The following ZFHX3 variants were observed in gnomAD, a reference collection of about 807,000 sequenced individuals.
ZFHX3 encodes the protein zinc finger homeobox 3, also known as zinc finger homeobox protein 3.
A neutral mutation model predicts 279.1 loss-of-function variants in ZFHX3; 42 were observed. The ratio of observed to expected loss-of-function variants is 0.15; its 90% CI spans 0.12 to 0.19. The LOEUF is 0.19. Ranked by LOEUF, ZFHX3 falls within the 10% of genes least tolerant of loss-of-function variation. The pLI is 1.00. For missense variants in ZFHX3, 4,981 were observed against 4,754.0 expected (o/e 1.05, Z -1.40); for synonymous variants, 2,293 against 1,957.8 (o/e 1.17, Z -4.52).
chr16:73,124,554 T>C (rs115180270), intron 7 of ZFHX3, among the ~76,000 whole-genome samples: 1 of 152,188 alleles, frequency 6.6e-6, no homozygotes, highest in Non-Finnish European at 1.5e-5. Context: ...TTAGATATAA[T>C]CCTGGACACG....
intron 1 of ZFHX3, among the ~76,000 whole-genome samples, chr16:73,054,746 T>C (rs975996393): frequency 6.6e-6 from 1 of 152,102 alleles, no homozygotes; most frequent in African/African-American, 2.4e-5. Context: ...TCAGTTTACA[T>C]TGGTGTAATT....
intron 1 of ZFHX3, among the ~76,000 whole-genome samples, chr16:73,055,664 C>G (rs1048282068): frequency 1.3e-5 from 2 of 150,124 alleles, no homozygotes; most frequent in African/African-American, 4.9e-5. Context: ...AAGACACCCA[C>G]ACGGTGCAGA....
intron 1 of ZFHX3, among the ~76,000 whole-genome samples, chr16:73,876,851 TCA>T (rs954812778): frequency 6.6e-6 from 1 of 152,114 alleles, no homozygotes; most frequent in African/African-American, 2.4e-5. Context: ...TCCACCACCT[TCA>T]CACACAGACA....
chr16:73,026,693 A>AAAAAC (rs201116956), intron 1 of ZFHX3, among the ~76,000 whole-genome samples: 74 of 144,716 alleles, frequency 5.1e-4, no homozygotes, highest in African/African-American at 8.4e-4. Context: ...AAAAAAAAAA[A>AAAAAC]AACACATAGT....
chr16:73,439,691 C>T lies in ZFHX3; in HGVS notation c.-1291+16312G>A, dbSNP rs971003768. Among the ~76,000 whole-genome samples the T allele has an allele frequency of 3.9e-5, 6 of 152,106 alleles. No homozygotes were observed. The East Asian group carries it at 1.2e-3, about 29-fold the overall frequency. The stretch of plus-strand genomic sequence containing the variant: ...GCTGTTAGTCCACGTGGTCATCCCT[C>T]CTTCCCCCCTTTCAAGATGTTTTGC... On this transcript the variant is annotated intron_variant, in intron 3 of 17. Coordinates refer to the ZFHX3 transcript ENST00000641206.
intron 2 of ZFHX3, among the ~76,000 whole-genome samples, chr16:73,556,107 A>G (rs1197845351): frequency 6.6e-6 from 1 of 152,196 alleles, no homozygotes; most frequent in African/African-American, 2.4e-5. Flanking sequence ...GGTTTACAAG[A>G]TCTTGTTTCC....
At chr16:72,981,596 T>C (rs1422577856) in intron 1 of ZFHX3, among the ~76,000 whole-genome samples, 1 of 152,180 alleles carries the variant, frequency 6.6e-6, no homozygotes, top group African/African-American at 2.4e-5. Flanking sequence ...ACTGAACTGC[T>C]CCCAATTGGG....
chr16:72,916,067 G>A lies in ZFHX3; in HGVS notation c.3217-26105C>T, dbSNP rs568805469. Among the ~76,000 whole-genome samples, 56 of 152,268 alleles carry A rather than the reference G, an allele frequency of 3.7e-4. 1 individual carries two copies. In the South Asian group the frequency reaches 9.1e-3, roughly 25 times the overall value. On this transcript the variant is annotated intron_variant, in intron 3 of 9. Transcript: ENST00000268489. ...GAAATGACGGACTGGAATAGTATAC[G>A]TGGCAAAAATCTAAAATAATTAAGA...
intron 1 of ZFHX3, among the ~76,000 whole-genome samples, chr16:73,026,745 A>C (rs1964526227): frequency 6.6e-6 from 1 of 151,902 alleles, no homozygotes; most frequent in South Asian, 2.1e-4. Flanking sequence ...TGCAAATGCA[A>C]GCTATGTTTC....
chr16:73,350,436 A>G (rs1597296346), intron 3 of ZFHX3, among the ~76,000 whole-genome samples: 1 of 152,202 alleles, frequency 6.6e-6, no homozygotes, highest in Non-Finnish European at 1.5e-5. Flanking sequence ...GGTTCATTTT[A>G]TGTGTCATTA....
At chr16:72,964,816 T>A (rs1313244177) in intron 1 of ZFHX3, among the ~76,000 whole-genome samples, 1 of 152,084 alleles carries the variant, frequency 6.6e-6, no homozygotes, top group Non-Finnish European at 1.5e-5. Context: ...TTATCCCCAT[T>A]TTAGAAATGG....
chr16:73,663,495 G>C (rs1048049055), intron 2 of ZFHX3, among the ~76,000 whole-genome samples: 4 of 152,186 alleles, frequency 2.6e-5, no homozygotes, highest in Admixed American at 6.6e-5. Flanking sequence ...ACAACTTCCT[G>C]TATGATCCAA....
rs368910699 is a variant in ZFHX3 at position 73,890,562 on chromosome 16, T to C, written c.-1608+1089A>G. ...GATTCGGTTTTTTAATTTTTTGTCA[T>C]AATAAAAATATTTTTAATCTGGTCC... On this transcript the variant is annotated intron_variant, in intron 1 of 17. Transcript: ENST00000641206. Among the ~76,000 whole-genome samples, 6 of 152,334 alleles carry C rather than the reference T, an allele frequency of 3.9e-5. No individual in the cohort carries two copies. In the South Asian group the frequency reaches 1.2e-3, roughly 32 times the overall value.
intron 2 of ZFHX3, among the ~76,000 whole-genome samples, chr16:73,532,907 C>T (rs76378162): frequency 0.016 from 2,421 of 152,284 alleles, 25 homozygotes; most frequent in Non-Finnish European, 0.025. Flanking sequence ...CATTCTCTCT[C>T]CTGCCACCCT....
chr16:73,841,460 G>T (rs1961305991), intron 1 of ZFHX3, among the ~76,000 whole-genome samples: 1 of 152,098 alleles, frequency 6.6e-6, no homozygotes, highest in African/African-American at 2.4e-5. Context: ...GCTTGGAGGG[G>T]CTGAGTCGGC....
At chr16:72,812,653 G>A (rs954017553) in intron 5 of ZFHX3, among the ~76,000 whole-genome samples, 1 of 152,130 alleles carries the variant, frequency 6.6e-6, no homozygotes, top group African/African-American at 2.4e-5. Flanking sequence ...AACTAGGCAG[G>A]GCCTGAATCC....
chr16:73,072,635 A>T (rs1224645646), intron 8 of ZFHX3, among the ~76,000 whole-genome samples: 1 of 151,766 alleles, frequency 6.6e-6, no homozygotes, highest in Non-Finnish European at 1.5e-5. Flanking sequence ...CATGATCATA[A>T]CTCATTGCAG....
chr16:73,660,057 A>G (rs2052764854), intron 2 of ZFHX3, among the ~76,000 whole-genome samples: 1 of 152,252 alleles, frequency 6.6e-6, no homozygotes, highest in African/African-American at 2.4e-5. Context: ...TCCTTGTAAT[A>G]AAAGCCCTCT....
In ZFHX3 at chr16:73,587,237, C is replaced by A. The variant is rs541336802; in HGVS notation, c.-1547+92943G>T. 7.2e-5 allele frequency among the ~76,000 whole-genome samples: 11 copies of A among 152,230 alleles called. No homozygotes were observed. In the South Asian group the frequency reaches 2.3e-3, roughly 32 times the overall value. On this transcript the variant is annotated intron_variant, in intron 2 of 17. Coordinates refer to the ZFHX3 transcript ENST00000641206. Reference sequence around the variant, plus strand: ...GAGATTTATGACAATGCCTTAACATCGGCAATAGGGAAGGTGAAAAATTTA... The same window carrying A: ...GAGATTTATGACAATGCCTTAACATAGGCAATAGGGAAGGTGAAAAATTTA...
Sources: allele counts gnomAD v4.1 joint callset (sites outside exome capture counted in the v4.1 genomes callset), GRCh38; gene constraint gnomAD v4.1.1; transcripts MANE v1.5; gene names NCBI Gene and HGNC (gene_info 2026-07-23, HGNC 2026-07-21).